KLF12: variants seen among roughly 807,000 people sequenced by gnomAD.
KLF12 encodes the protein Krueppel-like factor 12.
A neutral mutation model predicts 37.8 loss-of-function variants in KLF12; 9 were observed. That is an observed-to-expected ratio of 0.24 (90% CI 0.14 to 0.42). The LOEUF (loss-of-function observed/expected upper bound fraction) is 0.42, where lower values mean the gene tolerates loss of function less well. Among genes scored for constraint, KLF12 ranks in the 10% least tolerant of loss-of-function variants. The pLI is 1.00. For missense variants in KLF12, 411 were observed against 516.0 expected, an observed-to-expected ratio of 0.80 and a Z score of 1.97; for synonymous variants, 208 against 202.1, an observed-to-expected ratio of 1.03 and a Z score of -0.25.
intron 6 of KLF12, among the ~76,000 whole-genome samples, chr13:73,744,668 G>A (rs78830786): frequency 0.039 from 5,969 of 152,184 alleles, 170 homozygotes; most frequent in Middle Eastern, 0.061. Flanking sequence ...GAGCAGGTAG[G>A]TAGACACTGA....
chr13:74,287,707 T>C, the KLF12 span, among the ~76,000 whole-genome samples: 1 of 152,196 alleles, frequency 6.6e-6, no homozygotes, highest in East Asian at 1.9e-4. Context: ...TTCCTTCATA[T>C]TCACCAACCA....
intron 4 of KLF12, among the ~76,000 whole-genome samples, chr13:73,835,185 G>T (rs1884367409): frequency 6.6e-6 from 1 of 151,834 alleles, no homozygotes; most frequent in Non-Finnish European, 1.5e-5. Flanking sequence ...ACTTAAAAGG[G>T]TCATATTCAC....
chr13:74,303,865 C>T, the KLF12 span, among the ~76,000 whole-genome samples: 1 of 152,106 alleles, frequency 6.6e-6, no homozygotes, highest in Non-Finnish European at 1.5e-5. Flanking sequence ...TTGTCCATGT[C>T]AGTGCTCAGA....
the KLF12 span, among the ~76,000 whole-genome samples, chr13:74,186,855 GA>G: frequency 5.9e-5 from 9 of 152,314 alleles, no homozygotes; most frequent in Admixed American, 1.3e-4. Flanking sequence ...CATGGGAGGT[GA>G]AAAAACATTT....
intron 3 of KLF12, among the ~76,000 whole-genome samples, chr13:73,854,740 T>G (rs759069599): frequency 2.0e-5 from 3 of 152,200 alleles, no homozygotes; most frequent in Admixed American, 6.5e-5. Flanking sequence ...TACTTTAAAT[T>G]ATCTCCACAT....
At chr13:73,744,819 G>A (rs759030519) in intron 6 of KLF12, among the ~76,000 whole-genome samples, 5 of 152,134 alleles carry the variant, frequency 3.3e-5, no homozygotes, top group African/African-American at 4.8e-5. Flanking sequence ...GTGAGCATAC[G>A]CATGTCTCTA....
chr13:73,827,018 T>C (rs11841862), intron 4 of KLF12, among the ~76,000 whole-genome samples: 137 of 152,320 alleles, frequency 9.0e-4, no homozygotes, highest in African/African-American at 3.2e-3. Flanking sequence ...TGGGCTTAAG[T>C]GATCTGCCCA....
intron 3 of KLF12, among the ~76,000 whole-genome samples, chr13:73,902,016 CT>C (rs1266595778): frequency 1.3e-5 from 2 of 152,046 alleles, no homozygotes; most frequent in Admixed American, 6.5e-5. Context: ...CAGTTTGAGA[CT>C]ATAGGTACAA....
At chr13:73,846,477 T>C (rs1885031949) in intron 3 of KLF12, 104 bp from the exon 4 acceptor site, 3 of 1,031,800 alleles carry the variant, frequency 2.9e-6, no homozygotes. Context: ...CTTATTGCTA[T>C]GGGACATTTA....
the KLF12 span, among the ~76,000 whole-genome samples, chr13:74,165,616 C>T: frequency 6.6e-6 from 1 of 152,106 alleles, no homozygotes. Flanking sequence ...TTCATAGTTG[C>T]ACTTGTTCCG....
intron 2 of KLF12, among the ~76,000 whole-genome samples, chr13:73,987,532 A>G (rs1361225936): frequency 6.6e-6 from 1 of 151,948 alleles, no homozygotes; most frequent in Non-Finnish European, 1.5e-5. Context: ...CTGAAGAACC[A>G]CTATAATCAA....
the KLF12 span, among the ~76,000 whole-genome samples, chr13:74,140,532 G>C: frequency 6.6e-6 from 1 of 152,210 alleles, no homozygotes; most frequent in Admixed American, 6.5e-5. Context: ...TATCATATTT[G>C]AGAGTGCCAT....
the KLF12 span, among the ~76,000 whole-genome samples, chr13:74,275,964 TTTTAC>T: frequency 2.0e-5 from 3 of 150,640 alleles, no homozygotes; most frequent in Non-Finnish European, 3.0e-5. Context: ...TATTTCTTAT[TTTTAC>T]TTTACTTTAA....
Position 73,963,284 on chromosome 13 carries a change from TACACACACACACACACACACAC to T in KLF12, c.34-19236_34-19215del, listed in dbSNP as rs10543490. On this transcript the variant is annotated intron_variant, in intron 2 of 7. Coordinates refer to ENST00000377669, the MANE Select transcript of KLF12 (RefSeq NM_007249.5). ...TCATAAAGTATAAGAGAGTCATTTA[TACACACACACACACACACACAC>T]ACACACACACACACGTATATATGCT... Among the ~76,000 whole-genome samples, 1,104 of 145,272 alleles carry T rather than the reference TACACACACACACACACACACAC, an allele frequency of 7.6e-3. 21 individuals are homozygous for T. Among genetic ancestry groups the T allele is most frequent in the African/African-American group, 0.026 (1,012 of 39,284 alleles).
chr13:73,879,514 TAGATA>T lies in KLF12; in HGVS notation c.124-33146_124-33142del, dbSNP rs569240377. 6.1e-4 allele frequency among the ~76,000 whole-genome samples: 93 copies of T among 152,300 alleles called. 1 individual carries two copies. Among genetic ancestry groups the T allele is most frequent in the Admixed American group, 2.7e-3 (42 of 15,296 alleles). ...GTTAGACTCTCCATAATAGGAAACA[TAGATA>T]AGATATCAAAACACACAGTAAAACC... On this transcript the variant is annotated intron_variant, in intron 3 of 7. Coordinates refer to ENST00000377669, the MANE Select transcript of KLF12 (RefSeq NM_007249.5).
the KLF12 span, among the ~76,000 whole-genome samples, chr13:74,140,287 C>A: frequency 6.6e-6 from 1 of 152,006 alleles, no homozygotes; most frequent in African/African-American, 2.4e-5. Context: ...CTTTGGGAAG[C>A]GGAAGTGACA....
intron 2 of KLF12, among the ~76,000 whole-genome samples, chr13:73,959,133 A>AAAAAAAAAAAAAAAAAAAC (rs55783349): frequency 1.3e-5 from 2 of 150,790 alleles, no homozygotes; most frequent in African/African-American, 2.4e-5. Context: ...CCAAAAAAAA[A>AAAAAAAAAAAAAAAAAAAC]CGCAGGCAAG....
intron 2 of KLF12, among the ~76,000 whole-genome samples, chr13:73,975,753 C>T (rs368419678): frequency 3.3e-5 from 5 of 152,248 alleles, no homozygotes; most frequent in South Asian, 4.2e-4. Flanking sequence ...TCAACTGTGC[C>T]GTACCTCCTC....
At chr13:73,984,209 G>T (rs1294311290) in intron 2 of KLF12, among the ~76,000 whole-genome samples, 1 of 152,188 alleles carries the variant, frequency 6.6e-6, no homozygotes, top group Non-Finnish European at 1.5e-5. Context: ...TTTCAGAACT[G>T]TCTTCCCTGC....
Sources: gnomAD v4.1 joint callset for allele counts (sites outside exome capture counted in the v4.1 genomes callset) on GRCh38, gnomAD v4.1.1 for gene constraint, MANE v1.5 for transcripts, NCBI Gene and HGNC (gene_info 2026-07-23, HGNC 2026-07-21) for gene names.